The following CLASP2 variants were observed in gnomAD, a reference collection of about 807,000 sequenced individuals.
CLASP2 encodes the protein CLIP-associating protein 2.
CLASP2 carries 47 observed loss-of-function variants against 194.4 expected under a neutral mutation model. The ratio of observed to expected loss-of-function variants is 0.24; its 90% CI spans 0.19 to 0.31. The LOEUF is 0.31. Ranked by LOEUF, CLASP2 falls within the 10% of genes least tolerant of loss-of-function variation. The pLI, the probability that CLASP2 is intolerant of heterozygous loss-of-function variation, is 1.00. For missense variants in CLASP2, 1,445 were observed against 1,823.6 expected (o/e 0.79, Z 3.78); for synonymous variants, 619 against 633.5 (o/e 0.98, Z 0.34).
intron 14 of CLASP2, among the ~76,000 whole-genome samples, chr3:33,607,735 G>A (rs1404446017): frequency 1.3e-5 from 2 of 151,972 alleles, no homozygotes; most frequent in Admixed American, 1.3e-4. Flanking sequence ...TAAATACATA[G>A]TACCTAAATT....
Position 33,498,732 on chromosome 3 carries a change from C to G in CLASP2, c.4435-15G>C, listed in dbSNP as rs1279753914. The G allele has an allele frequency of 6.3e-7, 1 of 1,581,972 alleles. No individual in the cohort carries two copies. Among genetic ancestry groups the G allele is most frequent in the Admixed American group, 1.7e-5 (1 of 59,784 alleles). On this transcript the variant is annotated splice_polypyrimidine_tract_variant and intron_variant, in intron 38 of 38. Coordinates refer to ENST00000682230, the MANE Select transcript of CLASP2 (RefSeq NM_001365631.1). Reference sequence around the variant, plus strand: ...AGTAGCTTCATCTGCAGATTCAAGCCAAATAAATGTCATTTGAGCAAGCTG... The same window carrying G: ...AGTAGCTTCATCTGCAGATTCAAGCGAAATAAATGTCATTTGAGCAAGCTG...
At chr3:33,677,979 T>C (rs2089121752) in intron 6 of CLASP2, among the ~76,000 whole-genome samples, 2 of 144,434 alleles carry the variant, frequency 1.4e-5, no homozygotes, top group Non-Finnish European at 3.0e-5. Context: ...AATTAAAGAA[T>C]GTCCTTATTG....
At chr3:33,532,992 T>C (rs2056640692) in intron 34 of CLASP2, among the ~76,000 whole-genome samples, 1 of 152,230 alleles carries the variant, frequency 6.6e-6, no homozygotes, top group Admixed American at 6.5e-5. Context: ...AAAAGTTCTT[T>C]GTACTGTACT....
intron 21 of CLASP2, among the ~76,000 whole-genome samples, chr3:33,591,066 C>T (rs2068682395): frequency 6.6e-6 from 1 of 151,930 alleles, no homozygotes; most frequent in East Asian, 1.9e-4. Flanking sequence ...GTCCCAGCTG[C>T]TTGAGAGGCT....
At chr3:33,634,215 T>C (rs189174422) in intron 8 of CLASP2, among the ~76,000 whole-genome samples, 1 of 152,210 alleles carries the variant, frequency 6.6e-6, no homozygotes, top group Admixed American at 6.5e-5. Context: ...AAGAAAATAT[T>C]GGCAAAATAT....
chr3:33,553,151 T>C (rs1274641197), intron 29 of CLASP2, among the ~76,000 whole-genome samples: 1 of 152,148 alleles, frequency 6.6e-6, no homozygotes, highest in African/African-American at 2.4e-5. Context: ...TCAGGTGAAA[T>C]AAGGTCTCCG....
chr3:33,555,659 T>A (rs2060797187), intron 29 of CLASP2, among the ~76,000 whole-genome samples: 1 of 152,206 alleles, frequency 6.6e-6, no homozygotes, highest in Non-Finnish European at 1.5e-5. Context: ...TAAGCCACCA[T>A]TCCCTGGCCA....
chr3:33,686,559 C>A (rs964551212), intron 5 of CLASP2, among the ~76,000 whole-genome samples: 1 of 152,144 alleles, frequency 6.6e-6, no homozygotes. Context: ...ATCCCTACCC[C>A]GCCCATGGAA....
At chr3:33,583,485 T>C (rs2066618709) in intron 22 of CLASP2, among the ~76,000 whole-genome samples, 1 of 152,254 alleles carries the variant, frequency 6.6e-6, no homozygotes, top group African/African-American at 2.4e-5. Context: ...GTGTCTTGGC[T>C]GCAAACAACA....
chr3:33,712,859 G>C (rs1383318560), intron 1 of CLASP2, among the ~76,000 whole-genome samples: 1 of 151,864 alleles, frequency 6.6e-6, no homozygotes, highest in Non-Finnish European at 1.5e-5. Flanking sequence ...GTACTCAGGA[G>C]GCTGAGGCAG....
rs367655427 is a variant in CLASP2, at chr3:33,592,503, A to T, written c.1967-7T>A. On this transcript the variant is annotated splice_region_variant and splice_polypyrimidine_tract_variant and intron_variant, in intron 20 of 38. Transcript: ENST00000682230. ...AGTTTTGCTCTCACCCGGCCTGAGA[A>T]ATAAAATATTTACATAATTAAAAAC... 14 of 1,598,674 alleles carry T rather than the reference A, an allele frequency of 8.8e-6. No homozygotes were observed. The African/African-American group carries it at 1.7e-4, about 20-fold the overall frequency.
chr3:33,511,568 C>T (rs370949397), intron 36 of CLASP2, among the ~76,000 whole-genome samples: 59 of 152,126 alleles, frequency 3.9e-4, no homozygotes, highest in African/African-American at 1.4e-3. Flanking sequence ...CATACTATTC[C>T]TCCTTGTTTT....
rs186920851 is a variant in CLASP2 at position 33,552,162 on chromosome 3, A to G, written c.3010-767T>C. The stretch of plus-strand genomic sequence containing the variant: ...GAGACAGAATCTCACCCTGTCGCCC[A>G]GGCTGGAGTGTAATGGTGCGATCTC... On this transcript the variant is annotated intron_variant, in intron 29 of 38. Transcript: ENST00000682230. Among the ~76,000 whole-genome samples the G allele has an allele frequency of 1.8e-3, 253 of 142,380 alleles. 1 individual carries two copies. Among genetic ancestry groups the G allele is most frequent in the Non-Finnish European group, 2.8e-3 (188 of 66,374 alleles). 93.4% of individuals were successfully genotyped at this position (142,380 alleles called of 152,430 possible). A position where few individuals can be genotyped will look rare whatever the true frequency, so the allele number is the denominator to read the frequency against.
intron 30 of CLASP2, among the ~76,000 whole-genome samples, chr3:33,548,752 C>T (rs574534433): frequency 9.5e-5 from 14 of 147,294 alleles, no homozygotes; most frequent in African/African-American, 1.5e-4. Flanking sequence ...GTAACGACTA[C>T]GGTTTCATTT....
intron 27 of CLASP2, 133 bp from the exon 28 acceptor site, chr3:33,561,104 T>A: frequency 1.4e-6 from 1 of 728,090 alleles, no homozygotes; most frequent in Non-Finnish European, 2.2e-6. Context: ...GGAAAAACAA[T>A]CTCTCTTGCT....
intron 25 of CLASP2, among the ~76,000 whole-genome samples, chr3:33,572,178 T>C (rs2063908006): frequency 6.6e-6 from 1 of 152,186 alleles, no homozygotes; most frequent in Admixed American, 6.5e-5. Context: ...TTCTTAAATG[T>C]TGCTATACTT....
At chr3:33,552,325 GC>G (rs1477224813) in intron 29 of CLASP2, among the ~76,000 whole-genome samples, 2 of 151,948 alleles carry the variant, frequency 1.3e-5, no homozygotes, top group African/African-American at 4.8e-5. Flanking sequence ...CACCATGTTG[GC>G]CATGCTGGTC....
chr3:33,606,482 C>A (rs570880105), intron 16 of CLASP2, 109 bp downstream of exon 16: 29 of 812,384 alleles, frequency 3.6e-5, no homozygotes, highest in Admixed American at 1.4e-4. Flanking sequence ...AGTTACCATT[C>A]TTTCAAGGCT....
intron 28 of CLASP2, 74 bp downstream of exon 28, chr3:33,560,734 T>C: frequency 7.5e-7 from 1 of 1,332,522 alleles, no homozygotes; most frequent in Non-Finnish European, 1.0e-6. Flanking sequence ...CCCAGAAATC[T>C]GAACTATTAA....
Sources: allele counts gnomAD v4.1 joint callset (sites outside exome capture counted in the v4.1 genomes callset), GRCh38; gene constraint gnomAD v4.1.1; transcripts MANE v1.5; gene names NCBI Gene and HGNC (gene_info 2026-07-23, HGNC 2026-07-21).